Variants in BLTP3B observed in about 807,000 individuals in gnomAD.
The protein encoded by BLTP3B is bridge-like lipid transfer protein family member 3B.
chr12:100,064,765 CACT>C, the BLTP3B span, among the ~76,000 whole-genome samples: 1 of 151,618 alleles, frequency 6.6e-6, no homozygotes, highest in Non-Finnish European at 1.5e-5. Context: ...ATCAAGCCAC[CACT>C]ACGAGAACTG....
At chr12:100,093,431 TA>T in the BLTP3B span, among the ~76,000 whole-genome samples, 1 of 152,220 alleles carries the variant, frequency 6.6e-6, no homozygotes, top group Non-Finnish European at 1.5e-5. Flanking sequence ...ATTACTTTAA[TA>T]ATCTCTAATA....
chr12:100,108,267 A>G, the BLTP3B span: 1 of 1,097,674 alleles, frequency 9.1e-7, no homozygotes, highest in Non-Finnish European at 1.3e-6. Context: ...AATTATATTA[A>G]TAAAAATGTT....
chr12:100,047,629 G>T, the BLTP3B span: 1 of 1,606,728 alleles, frequency 6.2e-7, no homozygotes, highest in South Asian at 1.1e-5. Flanking sequence ...CTACTCCGGG[G>T]ACTATCATCC....
At chr12:100,142,507 C>T in the BLTP3B span, 1 of 1,464,868 alleles carries the variant, frequency 6.8e-7, no homozygotes, top group Non-Finnish European at 9.3e-7. Flanking sequence ...AGCCGCCAGG[C>T]GCCGCCGCCC....
At chr12:100,142,823 C>T in the BLTP3B span, 1 of 755,050 alleles carries the variant, frequency 1.3e-6, no homozygotes, top group Admixed American at 3.6e-5. Flanking sequence ...ACGCTCAGGC[C>T]GCCACGGCCG....
the BLTP3B span, among the ~76,000 whole-genome samples, chr12:100,130,994 A>AGAGG: frequency 9.6e-6 from 1 of 104,000 alleles, no homozygotes; most frequent in African/African-American, 4.6e-5. Context: ...AGAGAGAGAG[A>AGAGG]GAGAGAGAGA....
At chr12:100,098,590 T>A in the BLTP3B span, 1 of 1,537,966 alleles carries the variant, frequency 6.5e-7, no homozygotes, top group Non-Finnish European at 8.8e-7. Context: ...AACTAATTTT[T>A]AAAAATTCTA....
chr12:100,094,640 T>C, the BLTP3B span, among the ~76,000 whole-genome samples: 2 of 152,182 alleles, frequency 1.3e-5, no homozygotes, highest in Admixed American at 6.5e-5. Context: ...GCAGATCACT[T>C]GAGGCCAGGA....
chr12:100,042,769 G>A, the BLTP3B span, among the ~76,000 whole-genome samples: 2 of 152,188 alleles, frequency 1.3e-5, no homozygotes, highest in Non-Finnish European at 2.9e-5. Context: ...CTCACTGAAG[G>A]TTTAGATAAT....
chr12:100,084,595 T>C, the BLTP3B span: 1 of 1,614,176 alleles, frequency 6.2e-7, no homozygotes, highest in African/African-American at 1.3e-5. Context: ...CAATAACTCA[T>C]TGGCCCATCC....
At chr12:100,107,075 G>C in the BLTP3B span, among the ~76,000 whole-genome samples, 4 of 151,862 alleles carry the variant, frequency 2.6e-5, no homozygotes, top group African/African-American at 9.7e-5. Context: ...TGGATCACCT[G>C]TCAGGAATTT....
chr12:100,114,432 C>G, the BLTP3B span, among the ~76,000 whole-genome samples: 1 of 152,312 alleles, frequency 6.6e-6, no homozygotes, highest in South Asian at 2.1e-4. Context: ...ATTTTCCATT[C>G]TTCTCAACTG....
the BLTP3B span, among the ~76,000 whole-genome samples, chr12:100,045,185 T>A: frequency 6.6e-6 from 1 of 152,198 alleles, no homozygotes; most frequent in Non-Finnish European, 1.5e-5. Context: ...CAAGTTAATT[T>A]ATAGATTCAA....
chr12:100,065,121 C>T, the BLTP3B span, among the ~76,000 whole-genome samples: 1 of 152,122 alleles, frequency 6.6e-6, no homozygotes, highest in African/African-American at 2.4e-5. Flanking sequence ...ATTTCATGGA[C>T]ATTTATCACT....
At chr12:100,098,591 A>T in the BLTP3B span, 19 of 1,540,126 alleles carry the variant, frequency 1.2e-5, 2 homozygotes, top group Middle Eastern at 2.2e-3. Context: ...ACTAATTTTT[A>T]AAAATTCTAT....
the BLTP3B span, among the ~76,000 whole-genome samples, chr12:100,100,179 C>T: frequency 1.3e-5 from 2 of 151,226 alleles, no homozygotes; most frequent in East Asian, 3.9e-4. Flanking sequence ...GTGGCGCATG[C>T]CTGTAGTCCC....
At chr12:100,125,123 G>A in the BLTP3B span, among the ~76,000 whole-genome samples, 1 of 149,506 alleles carries the variant, frequency 6.7e-6, no homozygotes, top group African/African-American at 2.5e-5. Context: ...TCCGAGGTCA[G>A]GAGTTCCAGA....
chr12:100,091,183 ATTT>A, the BLTP3B span, among the ~76,000 whole-genome samples: 204 of 81,236 alleles, frequency 2.5e-3, no homozygotes, highest in African/African-American at 9.4e-3. Flanking sequence ...CGCCTGGCTA[ATTT>A]TTTTTTTTTT....
the BLTP3B span, among the ~76,000 whole-genome samples, chr12:100,068,352 A>C: frequency 2.0e-5 from 3 of 152,210 alleles, no homozygotes; most frequent in East Asian, 5.8e-4. Context: ...TCAACTCAAG[A>C]TGGATTAAGG....
Sources: allele counts gnomAD v4.1 joint callset (sites outside exome capture counted in the v4.1 genomes callset), GRCh38; gene constraint gnomAD v4.1.1; transcripts MANE v1.5; gene names NCBI Gene and HGNC (gene_info 2026-07-23, HGNC 2026-07-21).